The following IRAK4 variants were observed in gnomAD, a reference collection of about 807,000 sequenced individuals.
The protein encoded by IRAK4 is interleukin-1 receptor-associated kinase 4.
IRAK4 carries 44 observed loss-of-function variants against 51.8 expected under a neutral mutation model. The observed-to-expected ratio is 0.85, with a 90% CI of 0.67 to 1.09. The LOEUF (loss-of-function observed/expected upper bound fraction) is 1.09, where lower values mean the gene tolerates loss of function less well. Among genes scored for constraint, IRAK4 ranks in the 50% least tolerant of loss-of-function variants. IRAK4 has a pLI of 0.00. For missense variants in IRAK4, 487 were observed against 538.0 expected, an observed-to-expected ratio of 0.91 and a Z score of 0.94; for synonymous variants, 149 against 174.1, an observed-to-expected ratio of 0.86 and a Z score of 1.13.
At chr12:43,759,872 G>GAA (rs1160443880) in intron 1 of IRAK4, among the ~76,000 whole-genome samples, 22 of 76,548 alleles carry the variant, frequency 2.9e-4, no homozygotes, top group African/African-American at 3.9e-4. Flanking sequence ...CGTCTCAAAA[G>GAA]AAAAAAAAAA....
rs779301897 is a variant in IRAK4, at chr12:43,777,612, A to G, written c.717-18A>G. The G allele has an allele frequency of 1.9e-6, 3 of 1,591,000 alleles. No individual in the cohort carries two copies. The South Asian group carries it at 3.5e-5, about 19-fold the overall frequency. The stretch of plus-strand genomic sequence containing the variant: ...ATATTTATTATAATAATTTTGCATG[A>G]AAAATTATTTGTCACAGGTGTCAAC... On this transcript the variant is annotated intron_variant, in intron 6 of 11. Transcript: ENST00000613694.
At chr12:43,775,660 C>T (rs1032845099) in intron 6 of IRAK4, among the ~76,000 whole-genome samples, 6 of 152,046 alleles carry the variant, frequency 3.9e-5, no homozygotes, top group Non-Finnish European at 8.8e-5. Context: ...AATAAAGCTT[C>T]TTTAAAGTTC....
At chr12:43,769,289 G>A (rs1227704595) in intron 2 of IRAK4, among the ~76,000 whole-genome samples, 2 of 152,282 alleles carry the variant, frequency 1.3e-5, no homozygotes, top group South Asian at 4.1e-4. Flanking sequence ...ATTCATGCAA[G>A]GCTCATCACT....
Position 43,786,356 on chromosome 12 carries a change from A to C in IRAK4, c.1189-43A>C, listed in dbSNP as rs769962156. ...TAAAATATATATTCTATTTTCTTTC[A>C]CTATGATTTGAAGCTCTTAAAGTTT... is the stretch of plus-strand genomic sequence containing the variant. On this transcript the variant is annotated intron_variant, in intron 10 of 11. Transcript: ENST00000613694. The C allele has an allele frequency of 6.5e-6, 8 of 1,238,720 alleles. No homozygotes were observed. In the African/African-American group the frequency reaches 1.2e-4, roughly 19 times the overall value. 76.7% of individuals were successfully genotyped at this position (1,238,720 alleles called of 1,614,324 possible).
chr12:43,761,213 C>T (rs1361368769), intron 1 of IRAK4, among the ~76,000 whole-genome samples: 1 of 152,080 alleles, frequency 6.6e-6, no homozygotes, highest in African/African-American at 2.4e-5. Context: ...GGTTATACAG[C>T]ATATTTTGCT....
chr12:43,760,655 A>C (rs1392522901), intron 1 of IRAK4, among the ~76,000 whole-genome samples: 1 of 152,178 alleles, frequency 6.6e-6, no homozygotes, highest in Non-Finnish European at 1.5e-5. Context: ...TTTCCCACAG[A>C]TAGTCCAGTG....
In IRAK4 at chr12:43,777,784, A is replaced by T. The variant is rs4251499; in HGVS notation, c.831+40A>T. ...CATCAGATTGTTTGGCTTTTTGTTT[A>T]TATGCTGGAATATTAATATTCATTT... is the stretch of plus-strand genomic sequence containing the variant. On this transcript the variant is annotated intron_variant, in intron 7 of 11. Coordinates refer to ENST00000613694, the MANE Select transcript of IRAK4 (RefSeq NM_016123.4). 1.6e-3 allele frequency: 2,292 copies of T among 1,410,196 alleles called. 36 individuals are homozygous for T. The African/African-American group carries it at 0.028, about 17-fold the overall frequency. The allele number at this position is 1,410,196 out of a possible 1,614,324, so 87.4% of individuals were successfully genotyped here.
intron 6 of IRAK4, among the ~76,000 whole-genome samples, chr12:43,776,656 G>A (rs900660475): frequency 3.9e-5 from 6 of 152,234 alleles, no homozygotes; most frequent in Admixed American, 2.0e-4. Flanking sequence ...AGGAGCTGAG[G>A]CTCAGTAAGG....
chr12:43,780,431 C>T (rs1941676481), intron 8 of IRAK4, among the ~76,000 whole-genome samples: 1 of 152,014 alleles, frequency 6.6e-6, no homozygotes, highest in South Asian at 2.1e-4. Flanking sequence ...ATGATGTGTT[C>T]AGTAGGGTTA....
intron 8 of IRAK4, 70 bp from the exon 9 acceptor site, chr12:43,782,237 G>C (rs531429279): frequency 1.9e-5 from 18 of 943,518 alleles, no homozygotes; most frequent in South Asian, 6.7e-5. Flanking sequence ...CGTACATCTA[G>C]CTAAGGAACT....
chr12:43,769,516 G>A (rs1940526688), intron 2 of IRAK4, among the ~76,000 whole-genome samples: 1 of 152,106 alleles, frequency 6.6e-6, no homozygotes, highest in African/African-American at 2.4e-5. Context: ...GCTGGGTGTG[G>A]TAGTGCACGC....
At chr12:43,776,651 C>A (rs1169514135) in intron 6 of IRAK4, among the ~76,000 whole-genome samples, 1 of 152,228 alleles carries the variant, frequency 6.6e-6, no homozygotes, top group African/African-American at 2.4e-5. Flanking sequence ...GATAAAGGAG[C>A]TGAGGCTCAG....
chr12:43,781,740 T>G (rs1941795498), intron 8 of IRAK4, among the ~76,000 whole-genome samples: 1 of 152,158 alleles, frequency 6.6e-6, no homozygotes, highest in Admixed American at 6.5e-5. Flanking sequence ...CTACACAACA[T>G]AGGGAGTTCT....
chr12:43,785,302 C>T (rs770970216), intron 10 of IRAK4, among the ~76,000 whole-genome samples: 1 of 152,084 alleles, frequency 6.6e-6, no homozygotes, highest in Admixed American at 6.6e-5. Flanking sequence ...TATTCCTACA[C>T]TTCTCTCCCT....
At chr12:43,779,016 G>A (rs888813213) in intron 8 of IRAK4, among the ~76,000 whole-genome samples, 5 of 152,092 alleles carry the variant, frequency 3.3e-5, no homozygotes, top group Non-Finnish European at 5.9e-5. Flanking sequence ...AATGAAATAT[G>A]CTTTGGGAGC....
At position 43,772,278 on chromosome 12, in the gene IRAK4, A is replaced by G. The variant is rs769345767; in HGVS notation, c.406A>G (p.Thr136Ala). The change falls in exon 4 of 12, where the codon ACA becomes GCA. Residue 136 changes from threonine to alanine, a missense_variant. Thr to Ala is a moderately conservative substitution (Grantham distance 58). Transcript: ENST00000613694. Reference protein sequence around the residue: ...PFCDKDRTLMTPVQNLEQSYM... With the variant: ...PFCDKDRTLMAPVQNLEQSYM... ...CTGTGACAAAGACAGGACATTGATG[A>G]CACCTGTGCAGAATCTTGAACAAAG... 2.5e-6 allele frequency: 4 copies of G among 1,613,784 alleles called. No homozygotes were observed. Among genetic ancestry groups the G allele is most frequent in the Non-Finnish European group, 1.7e-6 (2 of 1,179,796 alleles).
At chr12:43,767,411 C>T (rs1940268415) in intron 1 of IRAK4, among the ~76,000 whole-genome samples, 1 of 152,158 alleles carries the variant, frequency 6.6e-6, no homozygotes, top group Non-Finnish European at 1.5e-5. Flanking sequence ...GGCTGCAGCT[C>T]TCCAGGATGG....
At chr12:43,771,559 T>C (rs1036653790) in intron 3 of IRAK4, among the ~76,000 whole-genome samples, 194 bp downstream of exon 3, 1 of 152,192 alleles carries the variant, frequency 6.6e-6, no homozygotes, top group Non-Finnish European at 1.5e-5. Flanking sequence ...GCTGCTAAGG[T>C]GATAGAAGCT....
chr12:43,782,622 T>A, intron 9 of IRAK4, 132 bp downstream of exon 9: 3 of 724,936 alleles, frequency 4.1e-6, no homozygotes, highest in Non-Finnish European at 6.6e-6. Flanking sequence ...CATTAACCTC[T>A]ACTTATACCA....
Sources: allele counts gnomAD v4.1 joint callset (sites outside exome capture counted in the v4.1 genomes callset), GRCh38; gene constraint gnomAD v4.1.1; transcripts MANE v1.5; gene names NCBI Gene and HGNC (gene_info 2026-07-23, HGNC 2026-07-21).